The following FLT4 variants were observed in gnomAD, a reference collection of about 807,000 sequenced individuals.
FLT4 encodes the protein fms related receptor tyrosine kinase 4.
A neutral mutation model predicts 163.2 loss-of-function variants in FLT4; 30 were observed. The ratio of observed to expected loss-of-function variants is 0.18; its 90% CI spans 0.14 to 0.25. The LOEUF (loss-of-function observed/expected upper bound fraction) is 0.25, where lower values mean the gene tolerates loss of function less well. Ranked by LOEUF, FLT4 falls within the 10% of genes least tolerant of loss-of-function variation. FLT4 has a pLI of 1.00. For synonymous variants in FLT4, 884 were observed against 789.5 expected, an observed-to-expected ratio of 1.12 and a Z score of -2.01; for missense variants, 1,510 against 1,863.8, an observed-to-expected ratio of 0.81 and a Z score of 3.50.
At chr5:180,615,918 CCGG>C (rs1246838133) in intron 23 of FLT4, among the ~76,000 whole-genome samples, 2,096 of 56,832 alleles carry the variant, frequency 0.037, 971 homozygotes, top group Non-Finnish European at 0.042. Flanking sequence ...CTGGGCCCCG[CCGG>C]TCACCTCCCT....
chr5:180,629,320 A>G lies in FLT4; in HGVS notation c.924T>C (p.Tyr308=). ...HNVSQHDLGS[Y]VCKANNGIQR... Reference sequence around the variant, plus strand: ...GGATGCCGTTGTTGGCCTTGCACACATACGAGCCCAGGTCGTGCTGGCTGA... The same window carrying G: ...GGATGCCGTTGTTGGCCTTGCACACGTACGAGCCCAGGTCGTGCTGGCTGA... Residue 308 remains tyrosine (Y), a synonymous_variant, in exon 7 of 30, where the codon TAT becomes TAC. Coordinates refer to ENST00000261937, the MANE Select transcript of FLT4 (RefSeq NM_182925.5). 6.2e-7 allele frequency: 1 copy of G among 1,613,308 alleles called. No homozygotes were observed. Among genetic ancestry groups the G allele is most frequent in the Non-Finnish European group, 8.5e-7 (1 of 1,180,010 alleles).
chr5:180,613,304 C>T, intron 24 of FLT4, 194 bp from the exon 25 acceptor site: 1 of 543,578 alleles, frequency 1.8e-6, no homozygotes, highest in Non-Finnish European at 3.3e-6. Flanking sequence ...CCCTCCCCAG[C>T]TCTAGTTCAT....
chr5:180,622,022 C>T, intron 12 of FLT4, 118 bp from the exon 13 acceptor site: 1 of 1,275,192 alleles, frequency 7.8e-7, no homozygotes, highest in South Asian at 1.3e-5. Context: ...GGGGCCCCAG[C>T]TGGACTGCTT....
chr5:180,606,916 C>A (rs113775571), intron 29 of FLT4, among the ~76,000 whole-genome samples: 11,025 of 138,380 alleles, frequency 0.08, 498 homozygotes, highest in Middle Eastern at 0.11. Flanking sequence ...AAAAAAAAAA[C>A]AAACAAACAA....
intron 8 of FLT4, 97 bp from the exon 9 acceptor site, chr5:180,626,362 G>GGGCT: frequency 7.1e-7 from 1 of 1,400,922 alleles, no homozygotes; most frequent in Non-Finnish European, 1.0e-6. Context: ...GAGGAGGGAG[G>GGGCT]GGCTGGCAGG....
In FLT4 at chr5:180,609,041, C is replaced by CT. The variant is rs771337396; in HGVS notation, c.3819dup (p.Asp1274ArgfsTer12). 1.2e-6 allele frequency: 2 copies of CT among 1,614,204 alleles called. No individual in the cohort carries two copies. Among genetic ancestry groups the CT allele is most frequent in the Non-Finnish European group, 1.7e-6 (2 of 1,180,010 alleles). Reference sequence around the variant, plus strand: ...TCCGAGGCCAGCACCATCCCACTGTCTGTCTGGTTGTCCTGTGTGGAGAGG... The same window carrying CT: ...TCCGAGGCCAGCACCATCCCACTGTCTTGTCTGGTTGTCCTGTGTGGAGAGG... On this transcript the variant is annotated frameshift_variant, in exon 29 of 30. Coordinates refer to ENST00000261937, the MANE Select transcript of FLT4 (RefSeq NM_182925.5). LOFTEE classifies it high-confidence loss of function.
intron 23 of FLT4, among the ~76,000 whole-genome samples, chr5:180,615,919 C>T (rs74843515): frequency 0.59 from 2,018 of 3,446 alleles, 891 homozygotes; most frequent in Middle Eastern, 1. Context: ...TGGGCCCCGC[C>T]GGTCACCTCC....
Position 180,622,716 on chromosome 5 carries a change from G to C in FLT4, c.1657+15C>G. The C allele has an allele frequency of 1.9e-6, 3 of 1,549,006 alleles. No individual in the cohort carries two copies. Among genetic ancestry groups the C allele is most frequent in the Non-Finnish European group, 2.7e-6 (3 of 1,121,642 alleles). On this transcript the variant is annotated intron_variant, in intron 12 of 29. Transcript: ENST00000261937. The stretch of plus-strand genomic sequence containing the variant: ...CCCTGTACCCAGGCCTCCCCGCCCT[G>C]GTCTGGTCACTCACTGGTCACATAG...
At chr5:180,609,167 T>A in intron 28 of FLT4, 114 bp from the exon 29 acceptor site, 1 of 826,736 alleles carries the variant, frequency 1.2e-6, no homozygotes. Flanking sequence ...ACCTAACACC[T>A]GTCCCTGGGA....
At chr5:180,611,722 C>T in intron 26 of FLT4, 1 of 588,506 alleles carries the variant, frequency 1.7e-6, no homozygotes, top group South Asian at 2.0e-5. Flanking sequence ...GTGAGTGCTC[C>T]ACAGAGGAAA....
At chr5:180,611,565 C>A in intron 26 of FLT4, 86 bp from the exon 27 acceptor site, 1 of 1,411,790 alleles carries the variant, frequency 7.1e-7, no homozygotes, top group Non-Finnish European at 9.7e-7. Context: ...CTCACCCCCG[C>A]CCTCAGCCCT....
At chr5:180,647,707 C>T (rs903344404) in intron 1 of FLT4, among the ~76,000 whole-genome samples, 14 of 152,138 alleles carry the variant, frequency 9.2e-5, no homozygotes, top group Admixed American at 2.0e-4. Flanking sequence ...GCAGGGCTCA[C>T]GGAGGGATGA....
At chr5:180,614,779 C>T (rs1762509994) in intron 23 of FLT4, among the ~76,000 whole-genome samples, 1 of 152,172 alleles carries the variant, frequency 6.6e-6, no homozygotes, top group Admixed American at 6.5e-5. Flanking sequence ...TTTGTAACTG[C>T]AGACAACCTG....
chr5:180,631,185 T>TG (rs1247610421), intron 2 of FLT4, among the ~76,000 whole-genome samples: 1 of 151,766 alleles, frequency 6.6e-6, no homozygotes, highest in Non-Finnish European at 1.5e-5. Flanking sequence ...GAAATGCTGA[T>TG]GGGGTGGGCT....
chr5:180,616,357 C>T lies in FLT4; in HGVS notation c.3219+10G>A, dbSNP rs1762688010. The T allele has an allele frequency of 1.4e-5, 23 of 1,613,832 alleles. No homozygotes were observed. The highest frequency in any genetic ancestry group is 2.2e-5 in the East Asian group (1 of 44,900). The stretch of plus-strand genomic sequence containing the variant: ...CCCCACGTTCCCTCTCCTCAATGGC[C>T]TGCACTCACACTGCCCTTGCGGACG... On this transcript the variant is annotated intron_variant, in intron 23 of 29. Coordinates refer to ENST00000261937, the MANE Select transcript of FLT4 (RefSeq NM_182925.5).
intron 23 of FLT4, among the ~76,000 whole-genome samples, chr5:180,615,427 C>CGAAA: frequency 7.7e-6 from 1 of 130,104 alleles, no homozygotes; most frequent in Non-Finnish European, 1.7e-5. Flanking sequence ...TCTCCACTTC[C>CGAAA]TTTCGGAGCA....
At position 180,630,225 on chromosome 5, in the gene FLT4, C is replaced by T. The variant is rs1763985334; in HGVS notation, c.513G>A (p.Ser171=). 6.2e-7 allele frequency: 1 copy of T among 1,612,002 alleles called. No individual in the cohort carries two copies. The change falls in exon 4 of 30, where the codon TCG becomes TCA. Residue 171 remains serine, a splice_region_variant and synonymous_variant. Transcript: ENST00000261937. The surrounding 1 kb of genome is among the most constrained non-coding windows in gnomAD (Gnocchi z 6.3). ...TGCTGGGGTTGGGGTGGGGCCGTAC[C>T]GAGCGCAGCGTGACATTGAGGCCGG... The part of the protein sequence containing the change: ...SIPGLNVTLR[S]QSSVLWPDGQ...
At chr5:180,610,925 C>G (rs1373488957) in intron 27 of FLT4, among the ~76,000 whole-genome samples, 1 of 152,094 alleles carries the variant, frequency 6.6e-6, no homozygotes, top group Non-Finnish European at 1.5e-5. Context: ...GGCGTGGTGG[C>G]GGGTGCCTGT....
At chr5:180,640,997 C>G (rs143633662) in intron 1 of FLT4, among the ~76,000 whole-genome samples, 31 of 152,238 alleles carry the variant, frequency 2.0e-4, no homozygotes, top group Admixed American at 1.9e-3. Flanking sequence ...GTGAAGGGGC[C>G]GGCATGAGAG....
Sources: gnomAD v4.1 joint callset for allele counts (sites outside exome capture counted in the v4.1 genomes callset) on GRCh38, gnomAD v4.1.1 for gene constraint, Gnocchi (gnomAD v3.1) non-coding constraint, MANE v1.5 for transcripts, NCBI Gene and HGNC (gene_info 2026-07-23, HGNC 2026-07-21) for gene names.